LRP1: variants seen among roughly 807,000 people sequenced by gnomAD.
The protein encoded by LRP1 is prolow-density lipoprotein receptor-related protein 1.
In LRP1, 51 loss-of-function variants were observed where a neutral mutation model predicts 541.5. The ratio of observed to expected loss-of-function variants is 0.09; its 90% CI spans 0.08 to 0.12. The LOEUF (loss-of-function observed/expected upper bound fraction) is 0.12. Among genes scored for constraint, LRP1 ranks in the 10% least tolerant of loss-of-function variants. The pLI is 1.00. For missense variants in LRP1, 3,878 were observed against 6,376.2 expected, an observed-to-expected ratio of 0.61 and a Z score of 13.34; for synonymous variants, 2,219 against 2,470.8, an observed-to-expected ratio of 0.90 and a Z score of 3.02.
Position 57,211,450 on chromosome 12 carries a change from GCCAGCC to G in LRP1, c.13092-24_13092-19del, listed in dbSNP as rs529079671. 1 of 1,610,606 alleles carries G rather than the reference GCCAGCC, an allele frequency of 6.2e-7. No individual in the cohort carries two copies. The highest frequency in any genetic ancestry group is 1.7e-5 in the Admixed American group (1 of 59,988). On this transcript the variant is annotated intron_variant, in intron 84 of 88. Coordinates refer to ENST00000243077, the MANE Select transcript of LRP1 (RefSeq NM_002332.3). This position sits in a 1 kb window ranked among gnomAD's most constrained non-coding sequence, Gnocchi z 4.3. The stretch of plus-strand genomic sequence containing the variant: ...TCCTCAGCATCCCAGGCACGCCTCT[GCCAGCC>G]CCAGCCCCAGCCTCTGATTCCTTCC...
At position 57,179,477 on chromosome 12, in the gene LRP1, G is replaced by A. The variant is rs2036117292; in HGVS notation, c.4887G>A (p.Val1629=). 1 of 1,614,124 alleles carries A rather than the reference G, an allele frequency of 6.2e-7. No homozygotes were observed. Among genetic ancestry groups the A allele is most frequent in the South Asian group, 1.1e-5 (1 of 91,092 alleles). The change falls in exon 29 of 89, where the codon GTG becomes GTA. Residue 1629 remains valine, a synonymous_variant. Transcript: ENST00000243077. This position sits in a 1 kb window ranked among gnomAD's most constrained non-coding sequence, Gnocchi z 6.8. ...ACTACGATGCCCGCGAGCAGCGTGTGTACTGGTCTGACGTGCGGACACAGG... is the reference window on the plus strand; with the variant it reads ...ACTACGATGCCCGCGAGCAGCGTGTATACTGGTCTGACGTGCGGACACAGG... The part of the protein sequence containing the change: ...VLDYDAREQR[V]YWSDVRTQAI...
chr12:57,180,263 A>G (rs2036137091), intron 31 of LRP1, 67 bp from the exon 32 acceptor site: 1 of 1,596,756 alleles, frequency 6.3e-7, no homozygotes, highest in Non-Finnish European at 8.6e-7. Context: ...TGTTCTCACC[A>G]TCTGCTCCCT....
At position 57,156,390 on chromosome 12, in the gene LRP1, C is replaced by T. The variant is rs1169588251; in HGVS notation, c.1417+107C>T. Reference sequence around the variant, plus strand: ...GGCCCTCCTGTGGGGACCCTGGCTTCTTTCATGTCATGACCGATTCTCCTA... The same window carrying T: ...GGCCCTCCTGTGGGGACCCTGGCTTTTTTCATGTCATGACCGATTCTCCTA... On this transcript the variant is annotated intron_variant, in intron 9 of 88. Coordinates refer to ENST00000243077, the MANE Select transcript of LRP1 (RefSeq NM_002332.3). The surrounding 1 kb of genome is among the most constrained non-coding windows in gnomAD (Gnocchi z 5.2). The T allele has an allele frequency of 2.5e-5, 29 of 1,174,894 alleles. 1 individual carries two copies. In the South Asian group the frequency reaches 4.3e-4, roughly 18 times the overall value. The allele number at this position is 1,174,894 out of a possible 1,614,324, so 72.8% of individuals were successfully genotyped here.
At chr12:57,155,553 C>A (rs1332778791) in intron 8 of LRP1, 3 of 153,734 alleles carry the variant, frequency 2.0e-5, no homozygotes, top group Non-Finnish European at 4.3e-5. Context: ...TCCATAAATT[C>A]TTTAAAGACA....
chr12:57,144,925 C>A (rs755972908), intron 4 of LRP1, 47 bp from the exon 5 acceptor site: 21 of 1,594,706 alleles, frequency 1.3e-5, no homozygotes, highest in Non-Finnish European at 1.8e-5. Context: ...CACTTCGTTG[C>A]CCTTGTCACA....
In LRP1 at chr12:57,189,350, C is replaced by T. The variant is rs924291232; in HGVS notation, c.7032-1455C>T. Reference sequence around the variant, plus strand: ...CTGACAAGCCAGGAAGATGACTGGCCACTGCCCCAGGATACCCATTTTCCC... The same window carrying T: ...CTGACAAGCCAGGAAGATGACTGGCTACTGCCCCAGGATACCCATTTTCCC... On this transcript the variant is annotated intron_variant, in intron 42 of 88. Transcript: ENST00000243077. The surrounding 1 kb of genome is among the most constrained non-coding windows in gnomAD (Gnocchi z 4.4). Among the ~76,000 whole-genome samples the T allele has an allele frequency of 6.6e-6, 1 of 152,130 alleles. No homozygotes were observed. Among genetic ancestry groups the T allele is most frequent in the Non-Finnish European group, 1.5e-5 (1 of 68,012 alleles).
In LRP1 at chr12:57,197,213, C is replaced by G; in HGVS notation, c.9076+48C>G. ...ATGAGGTGACCCAGGCTGTGTGGGA[C>G]TGCCCGGGTGGCAGAGCTCCAGACA... On this transcript the variant is annotated intron_variant, in intron 56 of 88. Transcript: ENST00000243077. This position sits in a 1 kb window ranked among gnomAD's most constrained non-coding sequence, Gnocchi z 4.5. The G allele has an allele frequency of 1.2e-6, 2 of 1,613,550 alleles. No homozygotes were observed. The highest frequency in any genetic ancestry group is 1.7e-6 in the Non-Finnish European group (2 of 1,179,546).
intron 17 of LRP1, 152 bp downstream of exon 17, chr12:57,166,361 C>T (rs978585015): frequency 6.6e-6 from 7 of 1,053,620 alleles, no homozygotes; most frequent in African/African-American, 4.8e-5. Context: ...TCAAGACCAG[C>T]CTGGCCAACA....
chr12:57,200,579 G>A (rs376939172), intron 63 of LRP1, 44 bp downstream of exon 63: 92 of 1,583,794 alleles, frequency 5.8e-5, no homozygotes, highest in African/African-American at 1.7e-4. Flanking sequence ...CAGCTGTGTC[G>A]GAGGCCTGAC....
chr12:57,166,374 G>T (rs2035840348), intron 17 of LRP1, 165 bp downstream of exon 17: 4 of 872,458 alleles, frequency 4.6e-6, no homozygotes, highest in East Asian at 2.8e-5. Context: ...GGCCAACATA[G>T]TGAGACCTCC....
At chr12:57,193,090 G>A in intron 45 of LRP1, 86 bp from the exon 46 acceptor site, 1 of 1,588,854 alleles carries the variant, frequency 6.3e-7, no homozygotes, top group South Asian at 1.1e-5. Context: ...AGACGCTGAT[G>A]ATGACCTCAG....
Position 57,154,933 on chromosome 12 carries a change from T to G in LRP1, c.1227+232T>G. 1.7e-6 allele frequency: 1 copy of G among 604,594 alleles called. No individual in the cohort carries two copies. The highest frequency in any genetic ancestry group is 2.9e-6 in the Non-Finnish European group (1 of 339,176). The allele number at this position is 604,594 out of a possible 1,614,324, so 37.5% of individuals were successfully genotyped here. On this transcript the variant is annotated intron_variant, in intron 8 of 88. Coordinates refer to ENST00000243077, the MANE Select transcript of LRP1 (RefSeq NM_002332.3). The surrounding 1 kb of genome is among the most constrained non-coding windows in gnomAD (Gnocchi z 4.6). ...AGAAACACCACTTCTGTTTACTTCC[T>G]GTTTCTCATTTGACCCTTATAATAA... is the stretch of plus-strand genomic sequence containing the variant.
In LRP1 at chr12:57,145,374, T is replaced by C; in HGVS notation, c.725T>C (p.Val242Ala). ...AMDFSYANET[V>A]CWVHVGDSAA... ...GACTTCAGCTATGCCAACGAGACCGTATGCTGGGTGCATGTTGGGGACAGT... is the reference window on the plus strand; with the variant it reads ...GACTTCAGCTATGCCAACGAGACCGCATGCTGGGTGCATGTTGGGGACAGT... Residue 242 changes from valine to alanine, a missense_variant, in exon 6 of 89, where the codon GTA (valine) becomes GCA (alanine). Physicochemically the swap from Val to Ala is moderately conservative, Grantham distance 64 (BLOSUM62 0). Transcript: ENST00000243077. The C allele has an allele frequency of 1.2e-6, 2 of 1,614,140 alleles. No individual in the cohort carries two copies. Among genetic ancestry groups the C allele is most frequent in the South Asian group, 2.2e-5 (2 of 91,088 alleles).
At position 57,173,882 on chromosome 12, in the gene LRP1, A is replaced by G. The variant is rs777416185; in HGVS notation, c.3449A>G (p.His1150Arg). ...CESLACRPPS[H>R]PCANNTSVCL... is the part of the protein sequence containing the mutation. ...TCCCTGGCCTGCAGGCCACCCTCGC[A>G]CCCTTGTGCCAACAACACCTCAGTC... The change falls in exon 22 of 89, where the codon CAC (histidine) becomes CGC (arginine). Residue 1150 changes from histidine to arginine, a missense_variant. By Grantham distance (29) the His-to-Arg change is conservative. Coordinates refer to ENST00000243077, the MANE Select transcript of LRP1 (RefSeq NM_002332.3). The surrounding 1 kb of genome is among the most constrained non-coding windows in gnomAD (Gnocchi z 4.7). 6.2e-7 allele frequency: 1 copy of G among 1,614,168 alleles called. No individual in the cohort carries two copies. The highest frequency in any genetic ancestry group is 8.5e-7 in the Non-Finnish European group (1 of 1,180,018).
In LRP1 at chr12:57,185,337, G is replaced by A; in HGVS notation, c.6463+132G>A. On this transcript the variant is annotated intron_variant, in intron 40 of 88. Coordinates refer to ENST00000243077, the MANE Select transcript of LRP1 (RefSeq NM_002332.3). This position sits in a 1 kb window ranked among gnomAD's most constrained non-coding sequence, Gnocchi z 4.9. ...CATGGGGCAACTTCCGATGGCCCGA[G>A]AGACCCAGGGATGGGGAGGAAAGGC... 7.1e-7 allele frequency: 1 copy of A among 1,405,030 alleles called. No homozygotes were observed. Among genetic ancestry groups the A allele is most frequent in the Non-Finnish European group, 9.7e-7 (1 of 1,033,830 alleles). The allele number at this position is 1,405,030 out of a possible 1,614,324, so 87.0% of individuals were successfully genotyped here.
At position 57,205,260 on chromosome 12, in the gene LRP1, G is replaced by A. The variant is rs771021574; in HGVS notation, c.11335+11G>A. 6.2e-7 allele frequency: 1 copy of A among 1,606,714 alleles called. No individual in the cohort carries two copies. Among genetic ancestry groups the A allele is most frequent in the East Asian group, 2.2e-5 (1 of 44,704 alleles). On this transcript the variant is annotated intron_variant, in intron 73 of 88. Transcript: ENST00000243077. This position sits in a 1 kb window ranked among gnomAD's most constrained non-coding sequence, Gnocchi z 4.6. ...AGGACTGCAGCATCGGTGAGGCCCG[G>A]CAGCGGACCGGACGCTGGTGGGGAG...
intron 42 of LRP1, 74 bp downstream of exon 42, chr12:57,187,530 C>A: frequency 6.8e-7 from 1 of 1,466,290 alleles, no homozygotes; most frequent in Non-Finnish European, 9.2e-7. Context: ...CCAGGCAGAT[C>A]CAAGCGGGGG....
At position 57,158,292 on chromosome 12, in the gene LRP1, G is replaced by A. The variant is rs540170140; in HGVS notation, c.1562-110G>A. 2.1e-4 allele frequency: 182 copies of A among 858,786 alleles called. 1 individual carries two copies. The South Asian group carries it at 2.4e-3, about 11-fold the overall frequency. 53.2% of individuals were successfully genotyped at this position (858,786 alleles called of 1,614,324 possible). On this transcript the variant is annotated intron_variant, in intron 10 of 88. Transcript: ENST00000243077. The surrounding 1 kb of genome is among the most constrained non-coding windows in gnomAD (Gnocchi z 5.3). ...TGACCCAGAGCCTCGCATCCCTAAC[G>A]TCTCCTGACCCATCACAGCTAGGGC... is the stretch of plus-strand genomic sequence containing the variant.
At chr12:57,152,620 T>C (rs1164120775) in intron 6 of LRP1, among the ~76,000 whole-genome samples, 1 of 152,184 alleles carries the variant, frequency 6.6e-6, no homozygotes, top group East Asian at 1.9e-4. Context: ...CTCAAGCTAC[T>C]CTTCCCCCTC....
Sources: gnomAD v4.1 joint callset for allele counts (sites outside exome capture counted in the v4.1 genomes callset) on GRCh38, gnomAD v4.1.1 for gene constraint, Gnocchi (gnomAD v3.1) non-coding constraint, MANE v1.5 for transcripts, NCBI Gene and HGNC (gene_info 2026-07-23, HGNC 2026-07-21) for gene names.